Variants in CCDC13 observed in about 807,000 individuals in gnomAD.
CCDC13 encodes coiled-coil domain containing 13, also known as coiled-coil domain-containing protein 13.
A neutral mutation model predicts 87.3 loss-of-function variants in CCDC13; 70 were observed. The observed-to-expected ratio is 0.80, with a 90% CI of 0.66 to 0.98. The LOEUF is 0.98. Among genes scored for constraint, CCDC13 ranks in the 50% least tolerant of loss-of-function variants. CCDC13 has a pLI of 0.00. For missense variants in CCDC13, 842 were observed against 892.0 expected (o/e 0.94, Z 0.71); for synonymous variants, 317 against 360.3 (o/e 0.88, Z 1.36).
At position 42,773,251 on chromosome 3, in the gene CCDC13, C is replaced by G. The variant is rs549779514; in HGVS notation, c.-82G>C. 9.8e-5 allele frequency: 15 copies of G among 152,374 alleles called. No homozygotes were observed. Among genetic ancestry groups the G allele is most frequent in the African/African-American group, 3.6e-4 (15 of 41,580 alleles). 9.4% of individuals were successfully genotyped at this position (152,374 alleles called of 1,614,324 possible). A position where few individuals can be genotyped will look rare whatever the true frequency, so the allele number is the denominator to read the frequency against. On this transcript the variant is annotated 5_prime_UTR_variant, in exon 1 of 16. Transcript: ENST00000310232. ...TCCTCCGGACGCCGACACGCGCTGC[C>G]CTGGCAACCGTCACCAGGGAAACAA...
At chr3:42,715,058 G>A (rs34710677) in intron 13 of CCDC13, among the ~76,000 whole-genome samples, 4 of 151,862 alleles carry the variant, frequency 2.6e-5, no homozygotes, top group South Asian at 2.1e-4. Flanking sequence ...TTGGGTGGCC[G>A]AGGTGGGTGG....
chr3:42,761,602 GCT>G (rs1699832939), intron 1 of CCDC13, among the ~76,000 whole-genome samples: 1 of 152,150 alleles, frequency 6.6e-6, no homozygotes, highest in African/African-American at 2.4e-5. Flanking sequence ...ATGAATACTT[GCT>G]GAACAAATGA....
intron 8 of CCDC13, among the ~76,000 whole-genome samples, chr3:42,740,039 C>T (rs1430788761): frequency 1.3e-5 from 2 of 152,132 alleles, no homozygotes; most frequent in Non-Finnish European, 2.9e-5. Context: ...ACAGCACTAA[C>T]CCATGACAGC....
intron 13 of CCDC13, among the ~76,000 whole-genome samples, chr3:42,725,777 C>T (rs1376694726): frequency 1.3e-5 from 2 of 152,008 alleles, no homozygotes; most frequent in African/African-American, 4.8e-5. Context: ...TGCAGAACAC[C>T]TCCACAGAAA....
At chr3:42,741,635 G>A (rs1206044208) in intron 8 of CCDC13, among the ~76,000 whole-genome samples, 1 of 152,164 alleles carries the variant, frequency 6.6e-6, no homozygotes, top group Non-Finnish European at 1.5e-5. Context: ...TACTTGGGAG[G>A]CTGAGGCAGG....
chr3:42,707,577 C>A lies in CCDC13; in HGVS notation c.*1403G>T, dbSNP rs1464267578. The stretch of plus-strand genomic sequence containing the variant: ...GGAGCTGACAAGATGCTCGCAGGAG[C>A]CCCAGTGGCTTTTCCTGGGGAAGGG... On this transcript the variant is annotated 3_prime_UTR_variant, in exon 16 of 16. Coordinates refer to ENST00000310232, the MANE Select transcript of CCDC13 (RefSeq NM_144719.4). Among the ~76,000 whole-genome samples the A allele has an allele frequency of 5.3e-5, 8 of 152,208 alleles. No individual in the cohort carries two copies. The highest frequency in any genetic ancestry group is 5.2e-4 in the Admixed American group (8 of 15,290).
At chr3:42,768,785 C>T (rs976584879) in intron 1 of CCDC13, among the ~76,000 whole-genome samples, 1 of 152,220 alleles carries the variant, frequency 6.6e-6, no homozygotes, top group African/African-American at 2.4e-5. Flanking sequence ...TGACAAAGGA[C>T]TACATCCAAC....
chr3:42,762,385 T>A (rs1433786908), intron 1 of CCDC13, among the ~76,000 whole-genome samples: 1 of 152,232 alleles, frequency 6.6e-6, no homozygotes, highest in Non-Finnish European at 1.5e-5. Context: ...TCCTTCCTGA[T>A]GAGAGTGTTT....
At chr3:42,772,192 C>A (rs1700132836) in intron 1 of CCDC13, among the ~76,000 whole-genome samples, 1 of 146,070 alleles carries the variant, frequency 6.8e-6, no homozygotes, top group South Asian at 2.1e-4. Context: ...ATCGCTTGAA[C>A]CTGGGAGGCA....
chr3:42,752,719 T>C lies in CCDC13; in HGVS notation c.371-2A>G. 9 of 1,613,918 alleles carry C rather than the reference T, an allele frequency of 5.6e-6. No homozygotes were observed. The highest frequency in any genetic ancestry group is 6.8e-6 in the Non-Finnish European group (8 of 1,180,010). On this transcript the variant is annotated splice_acceptor_variant, in intron 3 of 15. Transcript: ENST00000310232. LOFTEE classifies it high-confidence loss of function. The stretch of plus-strand genomic sequence containing the variant: ...CGTCTCCGGCTACACCGGCTGTCCC[T>C]AAAATGAAAGGAATGGTGAGGTCAA...
intron 1 of CCDC13, among the ~76,000 whole-genome samples, chr3:42,769,384 G>A (rs1471260643): frequency 6.6e-6 from 1 of 152,234 alleles, no homozygotes; most frequent in Admixed American, 6.5e-5. Flanking sequence ...TGCTGGTGGG[G>A]ATGCAAAATG....
chr3:42,721,655 G>C (rs1219967399), intron 13 of CCDC13, among the ~76,000 whole-genome samples: 1 of 152,202 alleles, frequency 6.6e-6, no homozygotes, highest in Non-Finnish European at 1.5e-5. Context: ...CTATGTGTGA[G>C]TATTCTTAAC....
At chr3:42,754,210 G>A (rs1699654940) in intron 3 of CCDC13, among the ~76,000 whole-genome samples, 9 of 152,172 alleles carry the variant, frequency 5.9e-5, no homozygotes, top group Admixed American at 5.9e-4. Flanking sequence ...GCACTTTATG[G>A]CTTTCAAATC....
At chr3:42,719,429 G>A (rs1375929427) in intron 13 of CCDC13, 3 of 147,528 alleles carry the variant, frequency 2.0e-5, no homozygotes, top group Non-Finnish European at 4.5e-5. Flanking sequence ...CTCTCTCTGT[G>A]CAGACTGGTA....
intron 1 of CCDC13, among the ~76,000 whole-genome samples, chr3:42,758,911 T>C (rs1012256184): frequency 4.6e-5 from 7 of 152,198 alleles, no homozygotes; most frequent in Non-Finnish European, 1.0e-4. Context: ...GGCTACTTTG[T>C]GCCCCTTCCA....
chr3:42,749,863 C>A (rs1182796871), intron 5 of CCDC13: 2 of 456,596 alleles, frequency 4.4e-6, no homozygotes, highest in African/African-American at 2.0e-5. Flanking sequence ...GTGTTCAGCT[C>A]CACTCTGGAA....
chr3:42,707,758 G>A lies in CCDC13; in HGVS notation c.*1222C>T, dbSNP rs147395377. Among the ~76,000 whole-genome samples the A allele has an allele frequency of 2.6e-5, 4 of 152,356 alleles. No individual in the cohort carries two copies. In the East Asian group the frequency reaches 7.7e-4, roughly 29 times the overall value. ...TGAGTGTGCACACATGGAGGTGCCT[G>A]TGTGCACGTACAGTTGCATGCTCCT... On this transcript the variant is annotated 3_prime_UTR_variant, in exon 16 of 16. Transcript: ENST00000310232.
chr3:42,737,947 G>A (rs1462878987), intron 9 of CCDC13, among the ~76,000 whole-genome samples: 4 of 152,216 alleles, frequency 2.6e-5, no homozygotes, highest in Admixed American at 2.0e-4. Context: ...GGCTTTTGCT[G>A]CCATTGCTTT....
intron 1 of CCDC13, among the ~76,000 whole-genome samples, chr3:42,764,794 C>G (rs181149567): frequency 2.6e-5 from 4 of 152,312 alleles, no homozygotes; most frequent in Admixed American, 2.6e-4. Context: ...TCAGGGCACT[C>G]TGTGGACTCC....
Sources: gnomAD v4.1 joint callset for allele counts (sites outside exome capture counted in the v4.1 genomes callset) on GRCh38, gnomAD v4.1.1 for gene constraint, MANE v1.5 for transcripts, NCBI Gene and HGNC (gene_info 2026-07-23, HGNC 2026-07-21) for gene names.